GRM7: variants seen among roughly 807,000 people sequenced by gnomAD.
GRM7 encodes the protein metabotropic glutamate receptor 7.
GRM7 carries 35 observed loss-of-function variants against 84.5 expected under a neutral mutation model. The ratio of observed to expected loss-of-function variants is 0.41; its 90% CI spans 0.32 to 0.55. The LOEUF (loss-of-function observed/expected upper bound fraction) is 0.55. GRM7 is among the 20% of genes least tolerant of loss of function. The pLI, the probability that GRM7 is intolerant of heterozygous loss-of-function variation, is 0.19. For synonymous variants in GRM7, 487 were observed against 455.1 expected, an observed-to-expected ratio of 1.07 and a Z score of -0.89; for missense variants, 1,003 against 1,194.6, an observed-to-expected ratio of 0.84 and a Z score of 2.36.
chr3:7,143,606 AT>A (rs999598406), intron 1 of GRM7, among the ~76,000 whole-genome samples: 3 of 152,126 alleles, frequency 2.0e-5, no homozygotes, highest in African/African-American at 7.2e-5. Flanking sequence ...TTTCCTCAGG[AT>A]TTTCATTACT....
intron 1 of GRM7, among the ~76,000 whole-genome samples, chr3:7,017,812 G>A (rs535281413): frequency 6.6e-6 from 1 of 152,284 alleles, no homozygotes; most frequent in African/African-American, 2.4e-5. Context: ...GTGAGCTATG[G>A]TTTGTCTTTG....
intron 1 of GRM7, among the ~76,000 whole-genome samples, chr3:6,995,108 C>A (rs79827539): frequency 0.013 from 2,051 of 152,304 alleles, 39 homozygotes; most frequent in African/African-American, 0.047. Flanking sequence ...AGGATGGTGA[C>A]TTATTCATCC....
intron 9 of GRM7, among the ~76,000 whole-genome samples, chr3:7,691,918 C>G (rs945142005): frequency 6.6e-5 from 10 of 152,172 alleles, no homozygotes; most frequent in Non-Finnish European, 1.3e-4. Context: ...CTCAGCCTCC[C>G]AAAGTGCTGG....
chr3:7,044,922 G>T lies in GRM7; in HGVS notation c.520-101530G>T, dbSNP rs148018067. Among the ~76,000 whole-genome samples the T allele has an allele frequency of 4.6e-3, 703 of 152,204 alleles. 3 individuals are homozygous for T. Among genetic ancestry groups the T allele is most frequent in the African/African-American group, 0.016 (671 of 41,542 alleles). ...CAATTTGCAGGTCATTTTTTAAATTGCTATTTTTTGACAGAAACTTTAGAG... is the reference window on the plus strand; with the variant it reads ...CAATTTGCAGGTCATTTTTTAAATTTCTATTTTTTGACAGAAACTTTAGAG... On this transcript the variant is annotated intron_variant, in intron 1 of 9. Transcript: ENST00000357716.
At chr3:7,248,742 A>G (rs1040680193) in intron 2 of GRM7, among the ~76,000 whole-genome samples, 6 of 152,124 alleles carry the variant, frequency 3.9e-5, no homozygotes, top group Non-Finnish European at 1.5e-5. Context: ...TTCTATGGGG[A>G]TACAAACTCT....
chr3:7,422,126 A>T (rs960433544), intron 5 of GRM7, among the ~76,000 whole-genome samples: 15 of 151,800 alleles, frequency 9.9e-5, no homozygotes, highest in African/African-American at 3.6e-4. Flanking sequence ...ATAGCAGTAA[A>T]CTTTTGCTCA....
At chr3:7,359,333 CT>C (rs372075812) in intron 4 of GRM7, among the ~76,000 whole-genome samples, 10,436 of 98,416 alleles carry the variant, frequency 0.11, 675 homozygotes, top group African/African-American at 0.22. Context: ...CCCTCCTCCT[CT>C]TTTTTTTTTT....
At chr3:7,407,709 C>G (rs537406310) in intron 4 of GRM7, among the ~76,000 whole-genome samples, 4 of 152,058 alleles carry the variant, frequency 2.6e-5, no homozygotes, top group African/African-American at 9.7e-5. Context: ...AGTTTGATAG[C>G]AAAACAAAAG....
intron 9 of GRM7, chr3:7,686,435 C>T: frequency 6.8e-7 from 1 of 1,471,186 alleles, no homozygotes; most frequent in Non-Finnish European, 9.5e-7. Context: ...TAGCTTTTGA[C>T]TGCTTTCCCA....
chr3:7,163,064 C>G (rs1694685279), intron 2 of GRM7, among the ~76,000 whole-genome samples: 1 of 151,776 alleles, frequency 6.6e-6, no homozygotes, highest in Admixed American at 6.6e-5. Context: ...CCAGCCTACT[C>G]TTCTAGTTTT....
chr3:7,280,044 C>T lies in GRM7; in HGVS notation c.737-18640C>T, dbSNP rs140069344. Among the ~76,000 whole-genome samples the T allele has an allele frequency of 2.2e-4, 34 of 152,280 alleles. No homozygotes were observed. In the East Asian group the frequency reaches 6.0e-3, roughly 27 times the overall value. On this transcript the variant is annotated intron_variant, in intron 2 of 9. Coordinates refer to ENST00000357716, the MANE Select transcript of GRM7 (RefSeq NM_000844.4). Reference sequence around the variant, plus strand: ...CAGTGTTATTTCCAGTGTCTGGATACATTACTATCAGAAACAGGCATATTT... The same window carrying T: ...CAGTGTTATTTCCAGTGTCTGGATATATTACTATCAGAAACAGGCATATTT...
chr3:6,977,792 C>G (rs1259059759), intron 1 of GRM7, among the ~76,000 whole-genome samples: 1 of 152,078 alleles, frequency 6.6e-6, no homozygotes, highest in African/African-American at 2.4e-5. Flanking sequence ...AAGGAGCCAT[C>G]ATAAATTCTT....
At chr3:7,725,809 C>A (rs1702104831) in intron 9 of GRM7, among the ~76,000 whole-genome samples, 1 of 152,128 alleles carries the variant, frequency 6.6e-6, no homozygotes, top group Non-Finnish European at 1.5e-5. Flanking sequence ...TCCATTCCAG[C>A]ACTTTCTCCT....
At chr3:7,271,472 T>G (rs1575106345) in intron 2 of GRM7, among the ~76,000 whole-genome samples, 1 of 146,268 alleles carries the variant, frequency 6.8e-6, no homozygotes. Context: ...GGCAGGAGAA[T>G]GGCGTGAACC....
chr3:7,467,460 T>G (rs1698508139), intron 7 of GRM7, among the ~76,000 whole-genome samples: 1 of 152,152 alleles, frequency 6.6e-6, no homozygotes, highest in Admixed American at 6.5e-5. Context: ...TAATTCAGTT[T>G]AAGCCAATCA....
intron 5 of GRM7, among the ~76,000 whole-genome samples, chr3:7,448,892 A>G (rs1434156578): frequency 2.0e-5 from 3 of 152,106 alleles, no homozygotes; most frequent in South Asian, 2.1e-4. Context: ...CCCCTCAATT[A>G]TTAGTCTGAA....
In GRM7 at chr3:7,435,450, C is replaced by A. The variant is rs182986145; in HGVS notation, c.1175-17157C>A. 6.4e-4 allele frequency among the ~76,000 whole-genome samples: 97 copies of A among 152,068 alleles called. 1 individual carries two copies. Among genetic ancestry groups the A allele is most frequent in the Non-Finnish European group, 4.4e-5 (3 of 67,988 alleles). On this transcript the variant is annotated intron_variant, in intron 5 of 9. Coordinates refer to ENST00000357716, the MANE Select transcript of GRM7 (RefSeq NM_000844.4). ...GGATTACAGGTATGAGCCATTGTGCCCAGCTATGCCTTCTATTTTCTTTCT... is the reference window on the plus strand; with the variant it reads ...GGATTACAGGTATGAGCCATTGTGCACAGCTATGCCTTCTATTTTCTTTCT...
At chr3:7,047,759 C>A (rs893340296) in intron 1 of GRM7, among the ~76,000 whole-genome samples, 2 of 152,038 alleles carry the variant, frequency 1.3e-5, no homozygotes, top group African/African-American at 4.8e-5. Flanking sequence ...TTGTTTAATG[C>A]AAATCCTAGC....
chr3:7,337,732 C>T (rs60173430), intron 4 of GRM7, among the ~76,000 whole-genome samples: 5,945 of 151,598 alleles, frequency 0.039, 247 homozygotes, highest in African/African-American at 0.11. Flanking sequence ...CAAAAATGAC[C>T]ATAATTAAAA....
Sources: gnomAD v4.1 joint callset for allele counts (sites outside exome capture counted in the v4.1 genomes callset) on GRCh38, gnomAD v4.1.1 for gene constraint, MANE v1.5 for transcripts, NCBI Gene and HGNC (gene_info 2026-07-23, HGNC 2026-07-21) for gene names.